The following MICAL3 variants were observed in gnomAD, a reference collection of about 807,000 sequenced individuals.
MICAL3 encodes microtubule associated monooxygenase, calponin and LIM domain containing 3.
In MICAL3, 62 loss-of-function variants were observed where a neutral mutation model predicts 207.4. The observed-to-expected ratio is 0.30, with a 90% CI of 0.24 to 0.37. MICAL3 has a LOEUF of 0.37. Among genes scored for constraint, MICAL3 ranks in the 10% least tolerant of loss-of-function variants. The probability of loss-of-function intolerance (pLI) is 1.00; values close to 1 mark genes in which losing one functional copy is unlikely to be tolerated. For missense variants in MICAL3, 2,368 were observed against 2,635.6 expected (o/e 0.90, Z 2.22); for synonymous variants, 1,077 against 1,069.3 (o/e 1.01, Z -0.14).
intron 1 of MICAL3, among the ~76,000 whole-genome samples, chr22:17,935,577 A>G (rs964855264): frequency 6.6e-6 from 1 of 152,240 alleles, no homozygotes; most frequent in African/African-American, 2.4e-5. Context: ...AAATAGACAA[A>G]TGGAATCTAA....
intron 18 of MICAL3, 47 bp downstream of exon 18, chr22:17,865,877 T>C: frequency 6.6e-7 from 1 of 1,507,596 alleles, no homozygotes; most frequent in Non-Finnish European, 9.2e-7. Flanking sequence ...GCCACACTGC[T>C]GCAACACCCA....
chr22:17,889,930 C>T (rs1387549757), intron 12 of MICAL3, among the ~76,000 whole-genome samples: 3 of 152,366 alleles, frequency 2.0e-5, no homozygotes, highest in East Asian at 3.9e-4. Context: ...ATTGCTCCTA[C>T]AGGCCTGGGA....
intron 29 of MICAL3, among the ~76,000 whole-genome samples, chr22:17,797,702 C>T (rs575334369): frequency 1.3e-5 from 2 of 152,228 alleles, no homozygotes; most frequent in Non-Finnish European, 2.9e-5. Flanking sequence ...CAATATCATA[C>T]ATGAATCATG....
rs1921149540 is a variant in MICAL3, at chr22:17,817,690, G to A, written c.4971C>T (p.Gly1657=). The A allele has an allele frequency of 6.2e-7, 1 of 1,605,356 alleles. No individual in the cohort carries two copies. Among genetic ancestry groups the A allele is most frequent in the Admixed American group, 1.7e-5 (1 of 59,184 alleles). ...PDSPTRPTLR[G]SEEPTLKHEA... The stretch of plus-strand genomic sequence containing the variant: ...CATGCTTCAGGGTGGGCTCCTCGGA[G>A]CCCCTGAGAGTGGGGCGTGTGGGGG... The change falls in exon 26 of 32, where the codon GGC becomes GGT. Residue 1657 remains glycine, a synonymous_variant. Coordinates refer to ENST00000441493, the MANE Select transcript of MICAL3 (RefSeq NM_015241.3).
At chr22:17,938,749 A>G (rs537746229) in intron 1 of MICAL3, among the ~76,000 whole-genome samples, 16 of 152,288 alleles carry the variant, frequency 1.1e-4, no homozygotes, top group African/African-American at 3.6e-4. Context: ...CCTCCTCCAC[A>G]CCAGTGCTCC....
chr22:17,838,112 T>C (rs1052125163), intron 20 of MICAL3, among the ~76,000 whole-genome samples: 1 of 152,252 alleles, frequency 6.6e-6, no homozygotes, highest in Admixed American at 6.5e-5. Context: ...GCTGCAATTA[T>C]ATTTTTAGCC....
chr22:17,972,276 G>C (rs1212945493), intron 1 of MICAL3, among the ~76,000 whole-genome samples: 2 of 152,228 alleles, frequency 1.3e-5, no homozygotes, highest in Non-Finnish European at 2.9e-5. Flanking sequence ...TCCTGAGGCA[G>C]TATCTGATTA....
intron 16 of MICAL3, among the ~76,000 whole-genome samples, chr22:17,882,808 C>T (rs927309216): frequency 6.6e-6 from 1 of 152,200 alleles, no homozygotes; most frequent in African/African-American, 2.4e-5. Context: ...ATCTCCAGTG[C>T]CCATCCCACA....
At chr22:17,807,589 A>T (rs2062001171) in intron 29 of MICAL3, among the ~76,000 whole-genome samples, 1 of 152,212 alleles carries the variant, frequency 6.6e-6, no homozygotes, top group Non-Finnish European at 1.5e-5. Flanking sequence ...ACTGAAGGTC[A>T]TCACTGAGTA....
chr22:17,900,938 T>TGATAAAATTTGCC lies in MICAL3; in HGVS notation c.738_750dup (p.Asn251GlyfsTer13). On this transcript the variant is annotated frameshift_variant, in exon 6 of 32. Coordinates refer to ENST00000441493, the MANE Select transcript of MICAL3 (RefSeq NM_015241.3). LOFTEE classifies it high-confidence loss of function. The surrounding 1 kb of genome is among the most constrained non-coding windows in gnomAD (Gnocchi z 4.0). ...TTAGCTTCTGCTGTTGTATTTCGGT[T>TGATAAAATTTGCC]GATAAAATTTGCCGTGATGGCGATG... 6 of 1,614,042 alleles carry TGATAAAATTTGCC rather than the reference T, an allele frequency of 3.7e-6. No homozygotes were observed. The highest frequency in any genetic ancestry group is 5.1e-6 in the Non-Finnish European group (6 of 1,179,880).
At chr22:17,931,432 C>T (rs959084205) in intron 1 of MICAL3, among the ~76,000 whole-genome samples, 1 of 152,236 alleles carries the variant, frequency 6.6e-6, no homozygotes, top group African/African-American at 2.4e-5. Context: ...CACACCACTG[C>T]TTGGCATCAG....
intron 2 of MICAL3, 87 bp from the exon 3 acceptor site, chr22:17,904,926 T>C: frequency 9.9e-7 from 1 of 1,010,720 alleles, no homozygotes; most frequent in South Asian, 1.4e-5. Flanking sequence ...CATCACTCCC[T>C]AAAGCCCCGA....
At chr22:17,947,924 T>TACCG (rs1556447872) in intron 1 of MICAL3, among the ~76,000 whole-genome samples, 1 of 151,886 alleles carries the variant, frequency 6.6e-6, no homozygotes, top group Non-Finnish European at 1.5e-5. Flanking sequence ...CATCCACACA[T>TACCG]ACCGTGTCTC....
intron 19 of MICAL3, among the ~76,000 whole-genome samples, chr22:17,856,868 G>A (rs962157615): frequency 2.0e-5 from 3 of 151,956 alleles, no homozygotes; most frequent in African/African-American, 4.8e-5. Flanking sequence ...TGATCCACCC[G>A]CCTCGGCCTC....
At chr22:17,929,979 A>G (rs1297314906) in intron 1 of MICAL3, among the ~76,000 whole-genome samples, 1 of 152,240 alleles carries the variant, frequency 6.6e-6, no homozygotes, top group Non-Finnish European at 1.5e-5. Flanking sequence ...CCAATACGGA[A>G]AAAAACAGAC....
At chr22:17,999,559 T>TGC (rs1220775329) in intron 1 of MICAL3, among the ~76,000 whole-genome samples, 1 of 152,184 alleles carries the variant, frequency 6.6e-6, no homozygotes, top group African/African-American at 2.4e-5. Flanking sequence ...CCAAGGACTG[T>TGC]GCTAAGTTCT....
chr22:17,872,737 C>A (rs752207582), intron 16 of MICAL3: 4 of 1,541,280 alleles, frequency 2.6e-6, no homozygotes, highest in Non-Finnish European at 3.6e-6. Flanking sequence ...TGCCTGGAGG[C>A]GTCTCTTACC....
chr22:17,853,395 T>C (rs1439646137), intron 19 of MICAL3, among the ~76,000 whole-genome samples: 1 of 152,196 alleles, frequency 6.6e-6, no homozygotes, highest in Non-Finnish European at 1.5e-5. Flanking sequence ...ACGGGCCACC[T>C]TGTCCTAACC....
At chr22:17,860,807 G>C in intron 19 of MICAL3, 1 of 985,410 alleles carries the variant, frequency 1.0e-6, no homozygotes, top group Non-Finnish European at 1.2e-6. Context: ...CGTGCTGCCC[G>C]TACGCTGCTG....
Sources: gnomAD v4.1 joint callset for allele counts (sites outside exome capture counted in the v4.1 genomes callset) on GRCh38, gnomAD v4.1.1 for gene constraint, Gnocchi (gnomAD v3.1) non-coding constraint, MANE v1.5 for transcripts, NCBI Gene and HGNC (gene_info 2026-07-23, HGNC 2026-07-21) for gene names.